The following PDS5A variants were observed in gnomAD, a reference collection of about 807,000 sequenced individuals.
PDS5A encodes the protein PDS5 cohesin associated factor A, also known as sister chromatid cohesion protein PDS5 homolog A.
Under a neutral mutation model 167.1 loss-of-function variants are expected in PDS5A, and 42 were observed. The observed-to-expected ratio is 0.25, with a 90% confidence interval of 0.20 to 0.33. PDS5A has a LOEUF of 0.33. Ranked by LOEUF, PDS5A falls within the 10% of genes least tolerant of loss-of-function variation. The pLI, the probability that PDS5A is intolerant of heterozygous loss-of-function variation, is 1.00. For missense variants in PDS5A, 1,033 were observed against 1,605.9 expected, an observed-to-expected ratio of 0.64 and a Z score of 6.10; for synonymous variants, 553 against 554.6, an observed-to-expected ratio of 1.00 and a Z score of 0.04.
chr4:39,857,150 A>C (rs912705155), intron 26 of PDS5A, among the ~76,000 whole-genome samples: 5 of 152,136 alleles, frequency 3.3e-5, no homozygotes, highest in Non-Finnish European at 7.4e-5. Flanking sequence ...CAGGAGATCG[A>C]GACCATCCTG....
At chr4:39,861,039 G>A (rs145091493) in intron 26 of PDS5A, among the ~76,000 whole-genome samples, 8 of 151,564 alleles carry the variant, frequency 5.3e-5, no homozygotes, top group African/African-American at 1.7e-4. Flanking sequence ...ACTTCAGCCC[G>A]GGGGATAGAG....
intron 28 of PDS5A, chr4:39,846,611 TGAGA>T (rs1371161080): frequency 1.3e-5 from 2 of 152,250 alleles, no homozygotes; most frequent in Non-Finnish European, 2.9e-5. Flanking sequence ...GATAGCACTT[TGAGA>T]GTTATATCTA....
intron 20 of PDS5A, among the ~76,000 whole-genome samples, chr4:39,873,694 C>T (rs147968784): frequency 9.2e-5 from 14 of 152,128 alleles, no homozygotes; most frequent in Non-Finnish European, 1.5e-4. Flanking sequence ...TAATACTTTC[C>T]GAGGATAAAT....
At position 39,920,358 on chromosome 4, in the gene PDS5A, C is replaced by CA; in HGVS notation, c.695dup (p.Leu232PhefsTer9). The CA allele has an allele frequency of 6.4e-7, 1 of 1,557,832 alleles. No individual in the cohort carries two copies. Among genetic ancestry groups the CA allele is most frequent in the South Asian group, 1.1e-5 (1 of 88,134 alleles). ...CCTCAATAGTCTGGACTGTTCTTTTCAATAGCACTTTTGCAAGGTCAAAGG... is the reference window on the plus strand; with the variant it reads ...CCTCAATAGTCTGGACTGTTCTTTTCAAATAGCACTTTTGCAAGGTCAAAGG... On this transcript the variant is annotated frameshift_variant, in exon 7 of 33. Transcript: ENST00000303538. LOFTEE classifies it high-confidence loss of function.
intron 22 of PDS5A, among the ~76,000 whole-genome samples, chr4:39,868,321 C>T (rs747810896): frequency 3.3e-5 from 5 of 151,540 alleles, no homozygotes; most frequent in Admixed American, 6.6e-5. Context: ...CCACCACACC[C>T]GGCCAAATTA....
intron 8 of PDS5A, among the ~76,000 whole-genome samples, chr4:39,916,207 AC>A (rs374333697): frequency 0.4 from 43,620 of 109,100 alleles, 6,766 homozygotes; most frequent in East Asian, 0.57. Flanking sequence ...AACAACAACA[AC>A]AAAAAAAGAG....
intron 5 of PDS5A, among the ~76,000 whole-genome samples, chr4:39,925,389 A>C (rs1578754932): frequency 6.6e-6 from 1 of 152,186 alleles, no homozygotes; most frequent in African/African-American, 2.4e-5. Flanking sequence ...AAAGTTAGTG[A>C]GCTTAAAGAC....
At chr4:39,843,345 C>G (rs1717237465) in intron 30 of PDS5A, among the ~76,000 whole-genome samples, 1 of 152,058 alleles carries the variant, frequency 6.6e-6, no homozygotes, top group South Asian at 2.1e-4. Flanking sequence ...CCCTCCTATA[C>G]TAATTTGAGT....
chr4:39,845,965 G>A, intron 28 of PDS5A, 85 bp from the exon 29 acceptor site: 2 of 1,088,872 alleles, frequency 1.8e-6, no homozygotes, highest in Non-Finnish European at 2.4e-6. Context: ...AGGCTTTTTA[G>A]GTATTGTGCC....
At chr4:39,878,098 T>C (rs1254486823) in intron 18 of PDS5A, among the ~76,000 whole-genome samples, 1 of 152,106 alleles carries the variant, frequency 6.6e-6, no homozygotes, top group Non-Finnish European at 1.5e-5. Context: ...TCAGTTAGTG[T>C]AGTATCAAGA....
chr4:39,918,673 G>A (rs1724635647), intron 7 of PDS5A, among the ~76,000 whole-genome samples: 1 of 152,124 alleles, frequency 6.6e-6, no homozygotes, highest in Non-Finnish European at 1.5e-5. Context: ...GGCCAACATG[G>A]TGAAACTCCA....
At chr4:39,908,820 G>T (rs1434226392) in intron 10 of PDS5A, 4 of 345,434 alleles carry the variant, frequency 1.2e-5, no homozygotes, top group South Asian at 3.7e-5. Flanking sequence ...ACAAGCTCAA[G>T]AGTTCATACC....
At chr4:39,944,037 G>C (rs933171182) in intron 2 of PDS5A, among the ~76,000 whole-genome samples, 4 of 151,446 alleles carry the variant, frequency 2.6e-5, no homozygotes, top group Non-Finnish European at 2.9e-5. Context: ...AATTAGCGGG[G>C]CGTGGTGGCG....
intron 2 of PDS5A, among the ~76,000 whole-genome samples, chr4:39,941,236 T>C (rs1263603380): frequency 1.3e-5 from 2 of 152,198 alleles, no homozygotes; most frequent in Admixed American, 6.5e-5. Flanking sequence ...CTACAAAAAA[T>C]GTGCCTCATA....
intron 11 of PDS5A, among the ~76,000 whole-genome samples, chr4:39,906,933 A>AAC (rs1723423708): frequency 6.6e-6 from 1 of 150,594 alleles, no homozygotes; most frequent in Non-Finnish European, 1.5e-5. Flanking sequence ...AAAAAAAAAA[A>AAC]AAAAAAAAAA....
intron 29 of PDS5A, among the ~76,000 whole-genome samples, 191 bp downstream of exon 29, chr4:39,845,626 TG>T (rs1425339461): frequency 6.6e-6 from 1 of 152,188 alleles, no homozygotes; most frequent in African/African-American, 2.4e-5. Context: ...GAACACACAG[TG>T]GCATTTCAGA....
intron 2 of PDS5A, among the ~76,000 whole-genome samples, chr4:39,975,203 G>A (rs1416666910): frequency 2.0e-5 from 3 of 152,034 alleles, no homozygotes; most frequent in South Asian, 4.1e-4. Context: ...TTGAACCTGG[G>A]AAGTGGAGGT....
chr4:39,876,221 T>A (rs1049190005), intron 19 of PDS5A, among the ~76,000 whole-genome samples: 1 of 152,160 alleles, frequency 6.6e-6, no homozygotes, highest in Non-Finnish European at 1.5e-5. Flanking sequence ...TCTAATAATG[T>A]ATAAAATTTA....
Position 39,826,000 on chromosome 4 carries a change from T to C in PDS5A, c.4011-512A>G, listed in dbSNP as rs546206671. ...AAACTATATAAAAACCAAACACCAA[T>C]AAAGAAGTTTTTGTTTTCAATGACT... On this transcript the variant is annotated intron_variant, in intron 32 of 32. Coordinates refer to ENST00000303538, the MANE Select transcript of PDS5A (RefSeq NM_001100399.2). 1.5e-3 allele frequency among the ~76,000 whole-genome samples: 228 copies of C among 152,264 alleles called. 1 individual carries two copies. The highest frequency in any genetic ancestry group is 6.8e-3 in the Middle Eastern group (2 of 294).
Sources: allele counts gnomAD v4.1 joint callset (sites outside exome capture counted in the v4.1 genomes callset), GRCh38; gene constraint gnomAD v4.1.1; transcripts MANE v1.5; gene names NCBI Gene and HGNC (gene_info 2026-07-23, HGNC 2026-07-21).